The following TBC1D5 variants were observed in gnomAD, a reference collection of about 807,000 sequenced individuals.
TBC1D5 encodes TBC1 domain family, member 5.
TBC1D5 carries 75 observed loss-of-function variants against 100.3 expected under a neutral mutation model. The ratio of observed to expected loss-of-function variants is 0.75; its 90% confidence interval spans 0.62 to 0.91. TBC1D5 has a LOEUF of 0.91. Among genes scored for constraint, TBC1D5 ranks in the 40% least tolerant of loss-of-function variants. TBC1D5 has a pLI of 0.00. For missense variants in TBC1D5, 910 were observed against 942.4 expected (o/e 0.97, Z 0.45); for synonymous variants, 323 against 325.6 (o/e 0.99, Z 0.09).
At chr3:17,160,836 CA>C in exon 22 of TBC1D5, 1 of 1,240,680 alleles carries the variant, frequency 8.1e-7, no homozygotes, top group Non-Finnish European at 1.1e-6. Context: ...AGGGCTGGAC[CA>C]ATGCAAAATG....
At chr3:17,642,508 C>G (rs1342164936) in intron 1 of TBC1D5, among the ~76,000 whole-genome samples, 1 of 152,162 alleles carries the variant, frequency 6.6e-6, no homozygotes, top group Non-Finnish European at 1.5e-5. Flanking sequence ...ACTATTCACT[C>G]ACTTTTGATT....
intron 3 of TBC1D5, among the ~76,000 whole-genome samples, chr3:17,468,545 T>C (rs768569956): frequency 2.6e-5 from 4 of 152,202 alleles, no homozygotes; most frequent in Non-Finnish European, 5.9e-5. Flanking sequence ...TTATTTATTA[T>C]ATTTATTATT....
chr3:17,249,488 A>G (rs2149265897), intron 16 of TBC1D5, among the ~76,000 whole-genome samples: 1 of 152,284 alleles, frequency 6.6e-6, no homozygotes, highest in South Asian at 2.1e-4. Flanking sequence ...GGGCCTAGTG[A>G]GAGGTGTCTG....
chr3:17,173,477 C>T (rs1462583800), intron 19 of TBC1D5, among the ~76,000 whole-genome samples: 2 of 152,080 alleles, frequency 1.3e-5, no homozygotes, highest in African/African-American at 4.8e-5. Flanking sequence ...GGCAATGGTA[C>T]CAAAGGGCTT....
intron 3 of TBC1D5, among the ~76,000 whole-genome samples, chr3:17,461,052 A>G (rs1178658224): frequency 6.6e-6 from 1 of 152,330 alleles, no homozygotes; most frequent in African/African-American, 2.4e-5. Context: ...AAATCAGGTA[A>G]CTATTTATGA....
intron 2 of TBC1D5, among the ~76,000 whole-genome samples, chr3:17,545,664 GT>G (rs1190420021): frequency 6.6e-6 from 1 of 152,068 alleles, no homozygotes; most frequent in African/African-American, 2.4e-5. Context: ...AGATTTTGGT[GT>G]TTTTTTCAAT....
intron 15 of TBC1D5, among the ~76,000 whole-genome samples, chr3:17,272,838 A>G (rs1376135049): frequency 6.6e-6 from 1 of 152,240 alleles, no homozygotes; most frequent in Admixed American, 6.5e-5. Flanking sequence ...CAAAATTAAG[A>G]ATGAAAAACT....
At chr3:17,161,060 C>T in exon 22 of TBC1D5, 1 of 1,614,164 alleles carries the variant, frequency 6.2e-7, no homozygotes, top group Non-Finnish European at 8.5e-7. Context: ...TGAGGCTGGG[C>T]CCATCAGTGG....
chr3:17,180,747 A>C lies in TBC1D5; in HGVS notation c.1852+4362T>G, dbSNP rs149673895. Among the ~76,000 whole-genome samples the C allele has an allele frequency of 2.8e-3, 426 of 152,232 alleles. 2 individuals carry two copies. Among genetic ancestry groups the C allele is most frequent in the African/African-American group, 9.2e-3 (384 of 41,536 alleles). ...TGTATATATGGACATAGAGCATGGA[A>C]TAATAGACACTGGAGACTCAGAAAG... On this transcript the variant is annotated intron_variant, in intron 19 of 21. Transcript: ENST00000253692.
At chr3:17,308,237 G>T in intron 13 of TBC1D5, 103 bp from the exon 14 acceptor site, 1 of 1,109,788 alleles carries the variant, frequency 9.0e-7, no homozygotes, top group Non-Finnish European at 1.2e-6. Context: ...AACACAGTGA[G>T]CAAATATTAT....
chr3:17,737,591 G>C (rs528732663), intron 1 of TBC1D5, among the ~76,000 whole-genome samples: 7 of 152,122 alleles, frequency 4.6e-5, no homozygotes, highest in African/African-American at 1.7e-4. Flanking sequence ...GTGATTACTG[G>C]ATCTAATACA....
intron 1 of TBC1D5, among the ~76,000 whole-genome samples, chr3:17,689,264 G>C (rs1188594018): frequency 1.3e-5 from 2 of 152,110 alleles, no homozygotes; most frequent in Non-Finnish European, 2.9e-5. Flanking sequence ...CAAAGTCCGG[G>C]CACAATGGCT....
chr3:17,217,895 T>C lies in TBC1D5; in HGVS notation c.1589-3525A>G, dbSNP rs188082931. 2.4e-3 allele frequency among the ~76,000 whole-genome samples: 361 copies of C among 152,206 alleles called. 2 individuals are homozygous for C. Among genetic ancestry groups the C allele is most frequent in the Admixed American group, 3.9e-3 (60 of 15,266 alleles). On this transcript the variant is annotated intron_variant, in intron 17 of 21. Transcript: ENST00000253692. ...TCTCATCTACCTATTTTTTCTTTTG[T>C]TGCTTGTGCTCATAGTGTCATATCT...
chr3:17,706,170 GGCA>G lies in TBC1D5; in HGVS notation c.-101+33170_-101+33172del. 4 of 1,570,720 alleles carry G rather than the reference GGCA, an allele frequency of 2.5e-6. No individual in the cohort carries two copies. The South Asian group carries it at 4.6e-5, about 18-fold the overall frequency. Reference sequence around the variant, plus strand: ...GCAGTTGATGGGGGAGACATCGGCAGGCAGCCGCTCGAAGGGCCTCTTCTCCGG... The same window carrying G: ...GCAGTTGATGGGGGAGACATCGGCAGGCCGCTCGAAGGGCCTCTTCTCCGG... On this transcript the variant is annotated intron_variant, in intron 1 of 21. Transcript: ENST00000253692.
At chr3:17,698,861 T>G (rs1045492043) in intron 1 of TBC1D5, among the ~76,000 whole-genome samples, 1 of 137,852 alleles carries the variant, frequency 7.3e-6, no homozygotes, top group Non-Finnish European at 1.6e-5. Flanking sequence ...TCACACCAGT[T>G]AGAATGGCAA....
rs766986498 is a variant in TBC1D5, at chr3:17,696,715, A to G, written c.-101+42628T>C. On this transcript the variant is annotated intron_variant, in intron 1 of 21. Transcript: ENST00000253692. Reference sequence around the variant, plus strand: ...TACCATTCCTTCTGAAAGTATTCCAATCAATAGACAAAGAGGAAATCCTCC... The same window carrying G: ...TACCATTCCTTCTGAAAGTATTCCAGTCAATAGACAAAGAGGAAATCCTCC... 1.1e-3 allele frequency among the ~76,000 whole-genome samples: 171 copies of G among 152,234 alleles called. 1 individual carries two copies. The highest frequency in any genetic ancestry group is 1.2e-3 in the Admixed American group (18 of 15,288).
intron 21 of TBC1D5, among the ~76,000 whole-genome samples, 188 bp downstream of exon 22, chr3:17,166,579 T>A (rs1416451028): frequency 6.6e-6 from 1 of 152,220 alleles, no homozygotes; most frequent in African/African-American, 2.4e-5. Flanking sequence ...CTTACCAGTA[T>A]CATTGTGAAT....
intron 2 of TBC1D5, among the ~76,000 whole-genome samples, chr3:17,568,657 G>A (rs549331416): frequency 2.6e-5 from 4 of 151,434 alleles, no homozygotes; most frequent in African/African-American, 9.7e-5. Context: ...GTTCTGTATT[G>A]GCAATAGGCA....
intron 2 of TBC1D5, among the ~76,000 whole-genome samples, chr3:17,531,389 C>A (rs2096222575): frequency 6.6e-6 from 1 of 152,144 alleles, no homozygotes; most frequent in Non-Finnish European, 1.5e-5. Context: ...GAATCAATAT[C>A]ATGAAAATGG....
Sources: allele counts gnomAD v4.1 joint callset (sites outside exome capture counted in the v4.1 genomes callset), GRCh38; gene constraint gnomAD v4.1.1; transcripts MANE v1.5; gene names NCBI Gene and HGNC (gene_info 2026-07-23, HGNC 2026-07-21).